EXOC5: variants seen among roughly 807,000 people sequenced by gnomAD.
The protein encoded by EXOC5 is exocyst complex component 5.
A neutral mutation model predicts 90.8 loss-of-function variants in EXOC5; 17 were observed. That is an observed-to-expected ratio of 0.19 (90% confidence interval 0.13 to 0.28). The LOEUF is 0.28. Among genes scored for constraint, EXOC5 ranks in the 10% least tolerant of loss-of-function variants. EXOC5 has a pLI of 1.00. For synonymous variants in EXOC5, 260 were observed against 270.0 expected (o/e 0.96, Z 0.36); for missense variants, 569 against 830.6 (o/e 0.69, Z 3.87).
intron 12 of EXOC5, among the ~76,000 whole-genome samples, chr14:57,227,373 A>G (rs1049327676): frequency 2.0e-5 from 3 of 152,186 alleles, no homozygotes; most frequent in African/African-American, 7.2e-5. Context: ...TCACTCATTT[A>G]AATTGTTGTA....
chr14:57,244,186 A>G lies in EXOC5; in HGVS notation c.444T>C (p.Asp148=), dbSNP rs1480218053. 1.9e-6 allele frequency: 3 copies of G among 1,613,312 alleles called. No homozygotes were observed. Among genetic ancestry groups the G allele is most frequent in the South Asian group, 1.1e-5 (1 of 91,068 alleles). Residue 148 remains aspartate, a synonymous_variant, in exon 4 of 18, where the codon GAT becomes GAC. Coordinates refer to ENST00000621441, the MANE Select transcript of EXOC5 (RefSeq NM_006544.4). ...TTACCTTTTCAGAATTTGTAAAAAC[A>G]TCAGATTTCAATTCTCCATCTAGAA... is the stretch of plus-strand genomic sequence containing the variant. ...NEFLDGELKS[D]VFTNSEKIKE...
rs1181955439 is a variant in EXOC5 at position 57,204,177 on chromosome 14, T to TA, written c.*4431dup. On this transcript the variant is annotated 3_prime_UTR_variant, in exon 18 of 18. Coordinates refer to ENST00000621441, the MANE Select transcript of EXOC5 (RefSeq NM_006544.4). ...AATGGTACCTATCAAATAATAATGA[T>TA]AAAATACCTCGGGTCTAGTTCAAAA... 1.3e-5 allele frequency: 2 copies of TA among 152,264 alleles called. No homozygotes were observed. The highest frequency in any genetic ancestry group is 2.9e-5 in the Non-Finnish European group (2 of 67,986). The allele number at this position is 152,264 out of a possible 1,614,324, so 9.4% of individuals were successfully genotyped here.
chr14:57,267,779 C>T (rs1295244919), intron 1 of EXOC5, among the ~76,000 whole-genome samples: 2 of 152,214 alleles, frequency 1.3e-5, no homozygotes, highest in South Asian at 2.1e-4. Context: ...ATACTGTAAA[C>T]GCTCGAGGAA....
At chr14:57,266,850 AAAAAAAAAATC>A (rs1210270424) in intron 1 of EXOC5, among the ~76,000 whole-genome samples, 3 of 146,880 alleles carry the variant, frequency 2.0e-5, no homozygotes, top group African/African-American at 7.9e-5. Context: ...GGAGAGGGGA[AAAAAAAAAATC>A]AAACATATTT....
chr14:57,259,108 ACTTTT>A (rs984665140), intron 1 of EXOC5, among the ~76,000 whole-genome samples: 4 of 148,898 alleles, frequency 2.7e-5, no homozygotes, highest in African/African-American at 4.9e-5. Flanking sequence ...ATTCACACAC[ACTTTT>A]CTTTTTTTTT....
chr14:57,234,368 C>T (rs1883585344), intron 7 of EXOC5, among the ~76,000 whole-genome samples: 1 of 151,534 alleles, frequency 6.6e-6, no homozygotes, highest in African/African-American at 2.4e-5. Context: ...AAAACACACC[C>T]ACTCACACCC....
Position 57,233,734 on chromosome 14 carries a change from T to A in EXOC5, c.855+9A>T. Reference sequence around the variant, plus strand: ...AAGAACTATTTAATTTGTTACTATTTAAAATTACCTGTAGTTTGATTTCAA... The same window carrying A: ...AAGAACTATTTAATTTGTTACTATTAAAAATTACCTGTAGTTTGATTTCAA... On this transcript the variant is annotated intron_variant, in intron 9 of 17. Coordinates refer to ENST00000621441, the MANE Select transcript of EXOC5 (RefSeq NM_006544.4). 1 of 1,504,146 alleles carries A rather than the reference T, an allele frequency of 6.6e-7. No individual in the cohort carries two copies. Among genetic ancestry groups the A allele is most frequent in the East Asian group, 2.3e-5 (1 of 44,020 alleles). The allele number at this position is 1,504,146 out of a possible 1,614,324, so 93.2% of individuals were successfully genotyped here. A position where few individuals can be genotyped will look rare whatever the true frequency, so the allele number is the denominator to read the frequency against.
chr14:57,223,504 A>G (rs1472929911), intron 12 of EXOC5, among the ~76,000 whole-genome samples: 1 of 152,062 alleles, frequency 6.6e-6, no homozygotes, highest in African/African-American at 2.4e-5. Flanking sequence ...TCTTATTAAT[A>G]CTACCCAACC....
chr14:57,201,595 T>TATAA lies in EXOC5; in HGVS notation c.*7013_*7014insTTAT, dbSNP rs2139596550. 1 of 133,186 alleles carries TATAA rather than the reference T, an allele frequency of 7.5e-6. No individual in the cohort carries two copies. The highest frequency in any genetic ancestry group is 1.6e-5 in the Non-Finnish European group (1 of 63,468). The allele number at this position is 133,186 out of a possible 1,614,324, so 8.3% of individuals were successfully genotyped here. ...ATATATATATATATATATATATATA[T>TATAA]AAAGGATGGCTGGTTAAGGTGGCTC... On this transcript the variant is annotated 3_prime_UTR_variant, in exon 18 of 18. Coordinates refer to ENST00000621441, the MANE Select transcript of EXOC5 (RefSeq NM_006544.4).
intron 7 of EXOC5, among the ~76,000 whole-genome samples, chr14:57,234,464 T>C (rs1473807297): frequency 1.3e-5 from 2 of 149,966 alleles, no homozygotes; most frequent in East Asian, 1.9e-4. Flanking sequence ...GTATGTGTTT[T>C]ATATACATAT....
At chr14:57,215,028 A>G (rs558233289) in intron 15 of EXOC5, among the ~76,000 whole-genome samples, 2 of 152,182 alleles carry the variant, frequency 1.3e-5, no homozygotes, top group South Asian at 4.1e-4. Context: ...TCAGGAGTTC[A>G]AGACCAGTCT....
intron 5 of EXOC5, 69 bp from the exon 6 acceptor site, chr14:57,237,435 A>C: frequency 1.0e-6 from 1 of 988,856 alleles, no homozygotes; most frequent in Middle Eastern, 2.0e-4. Flanking sequence ...GTAAGATGCT[A>C]ACCAAATGGG....
intron 4 of EXOC5, 81 bp from the exon 5 acceptor site, chr14:57,239,740 T>C (rs966222555): frequency 1.2e-6 from 1 of 822,814 alleles, no homozygotes; most frequent in Non-Finnish European, 1.9e-6. Flanking sequence ...AAATTAGTAA[T>C]ATCTCCCTGC....
chr14:57,233,874 A>G lies in EXOC5; in HGVS notation c.724T>C (p.Leu242=), dbSNP rs750135735. The part of the protein sequence containing the change: ...YIKQCQEGAY[L]RNDIFEDAGI... ...GCGTCTTCAAATATATCATTTCTCA[A>G]ATAAGCACCCTAAACAGCAGAGACA... Residue 242 remains leucine (L), a synonymous_variant, in exon 9 of 18, where the codon TTG becomes CTG. Coordinates refer to ENST00000621441, the MANE Select transcript of EXOC5 (RefSeq NM_006544.4). The G allele has an allele frequency of 1.8e-5, 29 of 1,610,848 alleles. No individual in the cohort carries two copies. The South Asian group carries it at 3.1e-4, about 17-fold the overall frequency.
intron 12 of EXOC5, among the ~76,000 whole-genome samples, chr14:57,223,092 A>G (rs1883202719): frequency 6.6e-6 from 1 of 152,100 alleles, no homozygotes; most frequent in Admixed American, 6.5e-5. Flanking sequence ...AATAGTATTA[A>G]CAGTACTTAC....
At chr14:57,264,495 T>C (rs573833929) in intron 1 of EXOC5, among the ~76,000 whole-genome samples, 2 of 152,276 alleles carry the variant, frequency 1.3e-5, no homozygotes, top group South Asian at 2.1e-4. Context: ...AAGGAACCTA[T>C]ATTTACAGAA....
In EXOC5 at chr14:57,235,919, CTTTCT is replaced by C; in HGVS notation, c.560-104_560-100del. The C allele has an allele frequency of 9.1e-6, 6 of 660,174 alleles. No homozygotes were observed. The East Asian group carries it at 1.7e-4, about 18-fold the overall frequency. 40.9% of individuals were successfully genotyped at this position (660,174 alleles called of 1,614,324 possible). ...ACAAATATAATGACTATGAATATAG[CTTTCT>C]TTTGAAGGAATTACAAAAACAAATG... is the stretch of plus-strand genomic sequence containing the variant. On this transcript the variant is annotated intron_variant, in intron 6 of 17. Transcript: ENST00000621441.
intron 1 of EXOC5, among the ~76,000 whole-genome samples, chr14:57,260,166 G>A (rs1268374374): frequency 6.6e-6 from 1 of 151,952 alleles, no homozygotes; most frequent in African/African-American, 2.4e-5. Flanking sequence ...GATTCTTTAC[G>A]TGTTTTCTGT....
At chr14:57,210,310 A>G (rs1015232658) in intron 15 of EXOC5, among the ~76,000 whole-genome samples, 3 of 152,168 alleles carry the variant, frequency 2.0e-5, no homozygotes, top group African/African-American at 7.2e-5. Flanking sequence ...TTCAAGATTC[A>G]AAGATCTCAG....
Sources: gnomAD v4.1 joint callset for allele counts (sites outside exome capture counted in the v4.1 genomes callset) on GRCh38, gnomAD v4.1.1 for gene constraint, MANE v1.5 for transcripts, NCBI Gene and HGNC (gene_info 2026-07-23, HGNC 2026-07-21) for gene names.